Variants in TDRD9 observed in about 807,000 individuals in gnomAD.
TDRD9 encodes the protein tudor domain containing 9, also known as ATP-dependent RNA helicase TDRD9.
A neutral mutation model predicts 172.6 loss-of-function variants in TDRD9; 124 were observed. The observed-to-expected ratio is 0.72, with a 90% CI of 0.62 to 0.83. The LOEUF (loss-of-function observed/expected upper bound fraction) is 0.83, where lower values mean the gene tolerates loss of function less well. TDRD9 is among the 40% of genes least tolerant of loss of function. The pLI, the probability that TDRD9 is intolerant of heterozygous loss-of-function variation, is 0.00. For synonymous variants in TDRD9, 619 were observed against 617.1 expected, an observed-to-expected ratio of 1.00 and a Z score of -0.05; for missense variants, 1,479 against 1,714.1, an observed-to-expected ratio of 0.86 and a Z score of 2.42.
intron 7 of TDRD9, among the ~76,000 whole-genome samples, 175 bp downstream of exon 7, chr14:103,975,728 T>C (rs1470031395): frequency 6.6e-6 from 1 of 152,250 alleles, no homozygotes; most frequent in Non-Finnish European, 1.5e-5. Context: ...ATAGGTATAA[T>C]GTGTCATGAT....
intron 31 of TDRD9, 112 bp downstream of exon 31, chr14:104,034,181 T>TTA: frequency 8.7e-6 from 4 of 461,034 alleles, no homozygotes; most frequent in Admixed American, 3.9e-5. Flanking sequence ...CTATGTACTA[T>TTA]TCTTTTTTTT....
Position 104,008,393 on chromosome 14 carries a change from C to T in TDRD9, c.2053-20C>T. Reference sequence around the variant, plus strand: ...ATTTATTACCTTAATATTGAGTATTCTGCTTTTATATATTTAAAGGATGAA... The same window carrying T: ...ATTTATTACCTTAATATTGAGTATTTTGCTTTTATATATTTAAAGGATGAA... On this transcript the variant is annotated intron_variant, in intron 19 of 35. Coordinates refer to ENST00000409874, the MANE Select transcript of TDRD9 (RefSeq NM_153046.3). 1.5e-6 allele frequency: 2 copies of T among 1,353,286 alleles called. No individual in the cohort carries two copies. The highest frequency in any genetic ancestry group is 2.1e-6 in the Non-Finnish European group (2 of 950,340). 83.8% of individuals were successfully genotyped at this position (1,353,286 alleles called of 1,614,324 possible). A position where few individuals can be genotyped will look rare whatever the true frequency, so the allele number is the denominator to read the frequency against.
intron 2 of TDRD9, 49 bp downstream of exon 2, chr14:103,955,819 C>G (rs771466773): frequency 2.7e-6 from 4 of 1,457,266 alleles, no homozygotes; most frequent in Non-Finnish European, 3.8e-6. Context: ...GAGTGGTTCA[C>G]ATGCTAAAAT....
intron 27 of TDRD9, 102 bp downstream of exon 27, chr14:104,026,238 G>A: frequency 1.2e-6 from 1 of 810,278 alleles, no homozygotes; most frequent in Non-Finnish European, 2.1e-6. Context: ...TACAGCTAGG[G>A]GAGCCAAGGC....
chr14:103,946,405 G>A (rs542540168), intron 1 of TDRD9, among the ~76,000 whole-genome samples: 13 of 152,144 alleles, frequency 8.5e-5, no homozygotes, highest in Non-Finnish European at 1.8e-4. Flanking sequence ...GAAACTACTA[G>A]CATAATAAAA....
chr14:103,932,703 A>G (rs886532317), intron 1 of TDRD9, among the ~76,000 whole-genome samples: 1 of 152,046 alleles, frequency 6.6e-6, no homozygotes, highest in African/African-American at 2.4e-5. Flanking sequence ...GATGGCTTTT[A>G]TAAGCATAGG....
At chr14:103,948,016 A>G (rs915532320) in intron 1 of TDRD9, among the ~76,000 whole-genome samples, 1 of 152,064 alleles carries the variant, frequency 6.6e-6, no homozygotes, top group Non-Finnish European at 1.5e-5. Flanking sequence ...AAAAAAACAG[A>G]TTTTTATTTT....
Position 104,006,840 on chromosome 14 carries a change from T to G in TDRD9, c.2002T>G (p.Phe668Val). Residue 668 changes from phenylalanine (F) to valine (V), a missense_variant, in exon 18 of 36, where the codon TTT (phenylalanine) becomes GTT (valine). Physicochemically the swap from Phe to Val is conservative, Grantham distance 50 (BLOSUM62 -1). Around this residue, in one of 3 missense-constraint regions of TDRD9, gnomAD observed 1,413 missense variants for 1,649.1 expected, o/e 0.86. Transcript: ENST00000409874. Reference sequence around the variant, plus strand: ...TGACTGTATTGCACTTGTTGAGGCATTTAAAGTAAGTTTTCTGTTGTGTAA... The same window carrying G: ...TGACTGTATTGCACTTGTTGAGGCAGTTAAAGTAAGTTTTCTGTTGTGTAA... ...KSDCIALVEA[F>V]KTWKACRQTG... 8.1e-6 allele frequency: 13 copies of G among 1,612,086 alleles called. No homozygotes were observed. Among genetic ancestry groups the G allele is most frequent in the Non-Finnish European group, 9.3e-6 (11 of 1,178,882 alleles).
intron 1 of TDRD9, among the ~76,000 whole-genome samples, chr14:103,940,171 G>C (rs2031131272): frequency 6.6e-6 from 1 of 152,088 alleles, no homozygotes; most frequent in Non-Finnish European, 1.5e-5. Context: ...TTTTCTTTGA[G>C]AGTAGCAGCT....
chr14:103,928,590 C>A lies in TDRD9; in HGVS notation c.81C>A (p.Gly27=). 7.4e-7 allele frequency: 1 copy of A among 1,354,156 alleles called. No homozygotes were observed. Among genetic ancestry groups the A allele is most frequent in the Non-Finnish European group, 9.7e-7 (1 of 1,034,568 alleles). 83.9% of individuals were successfully genotyped at this position (1,354,156 alleles called of 1,614,324 possible). ...GKTVTNVELL[G]APPAFPAGAA... Reference sequence around the variant, plus strand: ...CGGTGACCAATGTGGAGCTGCTGGGCGCGCCGCCCGCCTTCCCGGCAGGGG... The same window carrying A: ...CGGTGACCAATGTGGAGCTGCTGGGAGCGCCGCCCGCCTTCCCGGCAGGGG... The change falls in exon 1 of 36, where the codon GGC becomes GGA. Residue 27 remains glycine, a synonymous_variant. Coordinates refer to ENST00000409874, the MANE Select transcript of TDRD9 (RefSeq NM_153046.3).
At chr14:104,020,355 C>T (rs576102330) in intron 23 of TDRD9, among the ~76,000 whole-genome samples, 6 of 152,162 alleles carry the variant, frequency 3.9e-5, no homozygotes, top group South Asian at 2.1e-4. Context: ...AGCCAACAGA[C>T]GGGAAGGAGG....
intron 1 of TDRD9, among the ~76,000 whole-genome samples, chr14:103,949,348 T>C (rs1378132711): frequency 6.6e-6 from 1 of 152,206 alleles, no homozygotes; most frequent in Non-Finnish European, 1.5e-5. Context: ...CTAGATGAGA[T>C]TATATGATGA....
At chr14:103,983,223 C>T (rs1280304187) in intron 7 of TDRD9, among the ~76,000 whole-genome samples, 11 of 151,682 alleles carry the variant, frequency 7.3e-5, no homozygotes, top group Admixed American at 2.6e-4. Context: ...GCCCCATGCC[C>T]GGTTAATTTT....
chr14:104,048,242 A>G (rs920062344), intron 34 of TDRD9, among the ~76,000 whole-genome samples: 1 of 151,962 alleles, frequency 6.6e-6, no homozygotes, highest in African/African-American at 2.4e-5. Context: ...TATGTTTTTA[A>G]TTTTAATTTT....
Position 104,026,069 on chromosome 14 carries a change from A to G in TDRD9, c.2954A>G (p.Asn985Ser), listed in dbSNP as rs201873918. ...SAEVFFVDYG[N>S]KSHVDLHLLM... ...TAGGTATTCTTTGTAGATTATGGCA[A>G]TAAGTCTCATGTAGATCTACATCTT... The change falls in exon 27 of 36, where the codon AAT becomes AGT. Residue 985 changes from asparagine to serine, a missense_variant. Transcript: ENST00000409874. The G allele has an allele frequency of 8.4e-5, 136 of 1,610,294 alleles. No individual in the cohort carries two copies. Among genetic ancestry groups the G allele is most frequent in the Non-Finnish European group, 1.1e-4 (132 of 1,176,504 alleles).
At chr14:103,956,106 AAAAAAATATATATATATATATATATATAT>A (rs2032204001) in intron 2 of TDRD9, among the ~76,000 whole-genome samples, 1 of 43,116 alleles carries the variant, frequency 2.3e-5, no homozygotes, top group South Asian at 1.1e-3. Context: ...AAAAAAAAAA[AAAAAAATATATATATATATATATATATAT>A]ATATATATAT....
chr14:103,986,099 T>C, intron 7 of TDRD9, 118 bp from the exon 8 acceptor site: 1 of 742,944 alleles, frequency 1.3e-6, no homozygotes, highest in Non-Finnish European at 2.3e-6. Flanking sequence ...ACCAAGAACT[T>C]TTATTTAGAG....
chr14:103,960,327 G>C (rs2032449639), intron 2 of TDRD9, among the ~76,000 whole-genome samples: 1 of 152,172 alleles, frequency 6.6e-6, no homozygotes. Flanking sequence ...TTTCATATTT[G>C]GTTGATGGTG....
In TDRD9 at chr14:104,025,630, C is replaced by T. The variant is rs757651251; in HGVS notation, c.2785C>T (p.Leu929Phe). 3 of 1,614,018 alleles carry T rather than the reference C, an allele frequency of 1.9e-6. No individual in the cohort carries two copies. In the South Asian group the frequency reaches 3.3e-5, roughly 18 times the overall value. ...AAACAACTCAGAGATTCTGAAAAAG[C>T]TTACTGCTGAAATCAACCAACTGAC... ...DENNSEILKK[L>F]TAEINQLTLV... is the part of the protein sequence containing the mutation. The change falls in exon 26 of 36, where the codon CTT becomes TTT. Residue 929 changes from leucine to phenylalanine, a missense_variant. Transcript: ENST00000409874.
Sources: gnomAD v4.1 joint callset for allele counts (sites outside exome capture counted in the v4.1 genomes callset) on GRCh38, gnomAD v4.1.1 for gene constraint, gnomAD v4.1.1 regional missense constraint, MANE v1.5 for transcripts, NCBI Gene and HGNC (gene_info 2026-07-23, HGNC 2026-07-21) for gene names.